Variants in THRA observed in about 807,000 individuals in gnomAD.
The protein encoded by THRA is EAR-7.
Under a neutral mutation model 45.0 loss-of-function variants are expected in THRA, and 13 were observed. The observed-to-expected ratio is 0.29, with a 90% CI of 0.19 to 0.46. The LOEUF (loss-of-function observed/expected upper bound fraction) is 0.46. THRA is among the 20% of genes least tolerant of loss of function. THRA has a pLI of 1.00. For synonymous variants in THRA, 195 were observed against 214.0 expected, an observed-to-expected ratio of 0.91 and a Z score of 0.78; for missense variants, 278 against 556.1, an observed-to-expected ratio of 0.50 and a Z score of 5.03.
At chr17:40,071,824 C>T (rs1048659745) in intron 1 of THRA, among the ~76,000 whole-genome samples, 7 of 152,196 alleles carry the variant, frequency 4.6e-5, no homozygotes, top group African/African-American at 1.4e-4. Context: ...TCTGCCTCGC[C>T]TCTGTATCAC....
downstream of THRA, chr17:40,093,779 G>C: frequency 1.3e-6 from 1 of 767,650 alleles, no homozygotes; most frequent in South Asian, 1.7e-5. This position sits in a 1 kb window ranked among gnomAD's most constrained non-coding sequence, Gnocchi z 5.9. Flanking sequence ...TCCCAAGCTA[G>C]ACTGTGTCTG....
downstream of THRA, chr17:40,093,205 G>A (rs199728227): frequency 9.9e-6 from 16 of 1,613,708 alleles, no homozygotes; most frequent in Non-Finnish European, 1.2e-5. The surrounding 1 kb of genome is among the most constrained non-coding windows in gnomAD (Gnocchi z 5.9). Flanking sequence ...CGGTTCTTCA[G>A]CACCAGAGCC....
At chr17:40,093,431 C>A (rs1489925651), downstream of THRA, 1 of 1,562,128 alleles carries the variant, frequency 6.4e-7, no homozygotes, top group Non-Finnish European at 8.7e-7. The surrounding 1 kb of genome is among the most constrained non-coding windows in gnomAD (Gnocchi z 5.9). Context: ...CATACCTTCT[C>A]CCAGGCCTCT....
intron 1 of THRA, among the ~76,000 whole-genome samples, chr17:40,069,626 G>A (rs979018349): frequency 2.0e-5 from 3 of 151,846 alleles, no homozygotes; most frequent in Non-Finnish European, 4.4e-5. Context: ...GCCGTGCCCA[G>A]CTTGGGGGTG....
intron 5 of THRA, 43 bp downstream of exon 5, chr17:40,084,025 G>C: frequency 6.4e-7 from 1 of 1,572,632 alleles, no homozygotes; most frequent in Non-Finnish European, 8.6e-7. Context: ...GTGGCCTGGG[G>C]TGGGGATGAG....
chr17:40,085,402 C>T (rs1397310715), intron 6 of THRA, among the ~76,000 whole-genome samples: 2 of 150,976 alleles, frequency 1.3e-5, no homozygotes, highest in Non-Finnish European at 3.0e-5. Context: ...GGCACGATCT[C>T]GGCTCACCGC....
At chr17:40,067,653 G>A (rs1373659544) in intron 1 of THRA, among the ~76,000 whole-genome samples, 1 of 152,194 alleles carries the variant, frequency 6.6e-6, no homozygotes, top group Non-Finnish European at 1.5e-5. Flanking sequence ...TGCCCCTCAA[G>A]GTGAAGGAAG....
intron 1 of THRA, among the ~76,000 whole-genome samples, chr17:40,070,259 CCT>C (rs980102542): frequency 6.6e-6 from 1 of 152,138 alleles, no homozygotes; most frequent in African/African-American, 2.4e-5. Context: ...TGTGTGTACT[CCT>C]CTGCCACATC....
chr17:40,076,324 G>C (rs1405175851), intron 2 of THRA, among the ~76,000 whole-genome samples: 1 of 152,204 alleles, frequency 6.6e-6, no homozygotes, highest in African/African-American at 2.4e-5. Flanking sequence ...GTGGTTTTAT[G>C]AGGTGCCTGT....
At chr17:40,080,107 T>A (rs1987085706) in intron 4 of THRA, among the ~76,000 whole-genome samples, 1 of 151,310 alleles carries the variant, frequency 6.6e-6, no homozygotes, top group East Asian at 1.9e-4. Context: ...CAGAATGATT[T>A]ATATGTTAAA....
In THRA at chr17:40,089,237, C is replaced by G; in HGVS notation, c.1014C>G (p.Ile338Met). 1 of 1,613,982 alleles carries G rather than the reference C, an allele frequency of 6.2e-7. No homozygotes were observed. Among genetic ancestry groups the G allele is most frequent in the Non-Finnish European group, 8.5e-7 (1 of 1,179,992 alleles). ...CGGGCCTGCTGTGTGTGGACAAGAT[C>G]GAGAAGAGTCAGGAGGCGTACCTGC... is the stretch of plus-strand genomic sequence containing the variant. ...DRSGLLCVDKIEKSQEAYLLA... is the reference protein window; with the variant it reads ...DRSGLLCVDKMEKSQEAYLLA... Residue 338 changes from isoleucine (I) to methionine (M), a missense_variant, in exon 9 of 9, where the codon ATC (isoleucine) becomes ATG (methionine). By Grantham distance (10) the Ile-to-Met change is conservative. This residue lies in a region of THRA where 66 missense variants were observed against 94.7 expected (regional missense o/e 0.70). Coordinates refer to ENST00000450525, the MANE Select transcript of THRA (RefSeq NM_199334.5). This position sits in a 1 kb window ranked among gnomAD's most constrained non-coding sequence, Gnocchi z 6.1.
At chr17:40,067,280 A>G (rs1986609107) in intron 1 of THRA, among the ~76,000 whole-genome samples, 1 of 152,096 alleles carries the variant, frequency 6.6e-6, no homozygotes, top group African/African-American at 2.4e-5. Context: ...ACCTGCATAA[A>G]TCTTTGGGCA....
chr17:40,093,279 C>A, downstream of THRA: 1 of 1,613,638 alleles, frequency 6.2e-7, no homozygotes. This position sits in a 1 kb window ranked among gnomAD's most constrained non-coding sequence, Gnocchi z 5.9. Flanking sequence ...CATGCCCGAG[C>A]GGTCTGTGGG....
Position 40,090,775 on chromosome 17 carries a change from G to C in THRA, c.*1319G>C, listed in dbSNP as rs981951173. 1 of 152,226 alleles carries C rather than the reference G, an allele frequency of 6.6e-6. No homozygotes were observed. The highest frequency in any genetic ancestry group is 2.4e-5 in the African/African-American group (1 of 41,396). The allele number at this position is 152,226 out of a possible 1,614,324, so 9.4% of individuals were successfully genotyped here. A position where few individuals can be genotyped will look rare whatever the true frequency, so the allele number is the denominator to read the frequency against. On this transcript the variant is annotated 3_prime_UTR_variant, in exon 9 of 9. Coordinates refer to ENST00000450525, the MANE Select transcript of THRA (RefSeq NM_199334.5). The stretch of plus-strand genomic sequence containing the variant: ...TTGGGGCCCCAGGGGAGGGGTGGTC[G>C]GTGCTCCTTTTTCTTTAAAGCTCTT...
chr17:40,088,105 T>C (rs1987396191), intron 7 of THRA, 137 bp from the exon 8 acceptor site: 2 of 1,188,404 alleles, frequency 1.7e-6, no homozygotes, highest in African/African-American at 1.5e-5. Context: ...GGCATGCACA[T>C]GGCCCAATAC....
chr17:40,071,790 T>A (rs1986786363), intron 1 of THRA, among the ~76,000 whole-genome samples: 1 of 152,174 alleles, frequency 6.6e-6, no homozygotes, highest in Admixed American at 6.5e-5. Context: ...TCATGTGGTA[T>A]GTGTCTCCCC....
intron 4 of THRA, among the ~76,000 whole-genome samples, chr17:40,083,207 A>G (rs1026800595): frequency 6.6e-6 from 1 of 152,116 alleles, no homozygotes; most frequent in African/African-American, 2.4e-5. Flanking sequence ...GATTACAGGC[A>G]TAAGCCACCG....
chr17:40,065,779 G>A lies in THRA; in HGVS notation c.-298+2687G>A, dbSNP rs1423744162. 2.6e-5 allele frequency among the ~76,000 whole-genome samples: 4 copies of A among 151,892 alleles called. 1 individual carries two copies. The highest frequency in any genetic ancestry group is 1.3e-4 in the Admixed American group (2 of 15,258). On this transcript the variant is annotated intron_variant, in intron 1 of 8. Coordinates refer to ENST00000450525, the MANE Select transcript of THRA (RefSeq NM_199334.5). Reference sequence around the variant, plus strand: ...GGGGCTGGGAATGGGGGAAGGGGGGGGGGGTCAGCCACTGCCCATGCTGAC... The same window carrying A: ...GGGGCTGGGAATGGGGGAAGGGGGGAGGGGTCAGCCACTGCCCATGCTGAC...
At chr17:40,073,950 G>T (rs902145981) in intron 1 of THRA, among the ~76,000 whole-genome samples, 3 of 152,108 alleles carry the variant, frequency 2.0e-5, no homozygotes, top group Non-Finnish European at 2.9e-5. Context: ...CTTAGTACAT[G>T]AATGATCTCA....
Sources: allele counts gnomAD v4.1 joint callset (sites outside exome capture counted in the v4.1 genomes callset), GRCh38; gene constraint gnomAD v4.1.1; regional missense constraint gnomAD v4.1.1; non-coding constraint Gnocchi (gnomAD v3.1); transcripts MANE v1.5; gene names NCBI Gene and HGNC (gene_info 2026-07-23, HGNC 2026-07-21).